Variants in NKAIN2 observed in about 807,000 individuals in gnomAD.
NKAIN2 encodes the protein sodium/potassium-transporting ATPase subunit beta-1-interacting protein 2.
A neutral mutation model predicts 32.6 loss-of-function variants in NKAIN2; 14 were observed. The ratio of observed to expected loss-of-function variants is 0.43; its 90% CI spans 0.28 to 0.67. NKAIN2 has a LOEUF of 0.67. Ranked by LOEUF, NKAIN2 falls within the 30% of genes least tolerant of loss-of-function variation. The pLI is 0.17. For missense variants in NKAIN2, 198 were observed against 258.3 expected (o/e 0.77, Z 1.60); for synonymous variants, 80 against 87.2 (o/e 0.92, Z 0.46).
chr6:124,019,729 C>T (rs1780778703), intron 1 of NKAIN2, among the ~76,000 whole-genome samples: 1 of 151,906 alleles, frequency 6.6e-6, no homozygotes, highest in African/African-American at 2.4e-5. Context: ...ATTATGGAAA[C>T]TTATTTGTTT....
At chr6:124,664,831 A>T (rs11965280) in intron 4 of NKAIN2, among the ~76,000 whole-genome samples, 3 of 131,850 alleles carry the variant, frequency 2.3e-5, no homozygotes, top group Admixed American at 7.8e-5. Flanking sequence ...AAAAAAAAAA[A>T]TTTCAAGTTA....
intron 4 of NKAIN2, among the ~76,000 whole-genome samples, chr6:124,697,034 G>C (rs1245815826): frequency 6.6e-6 from 1 of 152,008 alleles, no homozygotes; most frequent in Non-Finnish European, 1.5e-5. Context: ...CATAGCTTTT[G>C]TTACCTCCAT....
At position 124,484,286 on chromosome 6, in the gene NKAIN2, A is replaced by G. The variant is rs542428879; in HGVS notation, c.273+128939A>G. Among the ~76,000 whole-genome samples the G allele has an allele frequency of 2.0e-5, 3 of 152,314 alleles. No homozygotes were observed. The East Asian group carries it at 5.8e-4, about 29-fold the overall frequency. ...TAGAATCCTCAGGACCATTGGTTCT[A>G]TGAACTTGGGGTTCAACAACCTTGA... is the stretch of plus-strand genomic sequence containing the variant. On this transcript the variant is annotated intron_variant, in intron 3 of 6. Coordinates refer to ENST00000368417, the MANE Select transcript of NKAIN2 (RefSeq NM_001040214.3).
intron 1 of NKAIN2, among the ~76,000 whole-genome samples, chr6:124,058,547 G>C (rs182718668): frequency 1.3e-5 from 2 of 152,090 alleles, no homozygotes; most frequent in East Asian, 1.9e-4. Context: ...TCATAGGCTT[G>C]TTGTAAGGAT....
chr6:123,901,981 G>A (rs1774611889), intron 1 of NKAIN2, among the ~76,000 whole-genome samples: 2 of 152,020 alleles, frequency 1.3e-5, no homozygotes, highest in African/African-American at 4.8e-5. Context: ...ATAAAGTTTT[G>A]TTTTAATGGG....
Position 124,658,358 on chromosome 6 carries a change from C to T in NKAIN2, c.446C>T (p.Ala149Val). 1 of 1,614,126 alleles carries T rather than the reference C, an allele frequency of 6.2e-7. No homozygotes were observed. Among genetic ancestry groups the T allele is most frequent in the Non-Finnish European group, 8.5e-7 (1 of 1,180,006 alleles). ...CLLEYQYIEV[A>V]HSSLQIVLAL... is the part of the protein sequence containing the mutation. ...CTGGAGTACCAGTACATAGAAGTGG[C>T]TCATAGTTCCCTCCAGATTGTCCTC... The change falls in exon 4 of 7, where the codon GCT (alanine) becomes GTT (valine). Residue 149 changes from alanine (A) to valine (V), a missense_variant. Transcript: ENST00000368417.
At chr6:124,722,669 C>G (rs1196331546) in intron 4 of NKAIN2, among the ~76,000 whole-genome samples, 1 of 152,152 alleles carries the variant, frequency 6.6e-6, no homozygotes, top group East Asian at 1.9e-4. Flanking sequence ...GCCTGCTGCT[C>G]CCCTCCTCCT....
intron 3 of NKAIN2, among the ~76,000 whole-genome samples, chr6:124,420,340 A>G (rs1774690691): frequency 6.6e-6 from 1 of 152,142 alleles, no homozygotes; most frequent in African/African-American, 2.4e-5. Flanking sequence ...CAGATAAGGT[A>G]ACACATTTAC....
intron 1 of NKAIN2, among the ~76,000 whole-genome samples, chr6:124,074,209 C>CA (rs1486634921): frequency 2.6e-4 from 40 of 152,256 alleles, no homozygotes; most frequent in Admixed American, 2.2e-3. Flanking sequence ...AATAGTGACT[C>CA]AGCGTTCAGG....
intron 3 of NKAIN2, among the ~76,000 whole-genome samples, chr6:124,409,840 G>T (rs1459377954): frequency 6.6e-6 from 1 of 152,088 alleles, no homozygotes; most frequent in Non-Finnish European, 1.5e-5. Context: ...TTTTTGGTTG[G>T]TAATCTATTA....
intron 3 of NKAIN2, among the ~76,000 whole-genome samples, chr6:124,379,184 AG>A (rs1800139829): frequency 2.9e-3 from 10 of 3,396 alleles, no homozygotes; most frequent in Admixed American, 4.0e-3. Context: ...AGGGAAGAGG[AG>A]GGGAGGGAGG....
chr6:123,987,581 C>T (rs1465975175), intron 1 of NKAIN2, among the ~76,000 whole-genome samples: 1 of 152,086 alleles, frequency 6.6e-6, no homozygotes, highest in Non-Finnish European at 1.5e-5. Context: ...AACTCAAGGG[C>T]CTCTTCTGAG....
rs146253490 is a variant in NKAIN2 at position 124,642,083 on chromosome 6, G to T, written c.274-16103G>T. 3.9e-4 allele frequency among the ~76,000 whole-genome samples: 60 copies of T among 152,190 alleles called. No homozygotes were observed. The East Asian group carries it at 0.01, about 27-fold the overall frequency. On this transcript the variant is annotated intron_variant, in intron 3 of 6. Coordinates refer to ENST00000368417, the MANE Select transcript of NKAIN2 (RefSeq NM_001040214.3). ...ACCCATAGTTGAAGACTCTAACAAA[G>T]TAGGAACAGGAGTATATATCTGATC...
At chr6:124,724,663 G>A (rs1776187671) in intron 4 of NKAIN2, among the ~76,000 whole-genome samples, 1 of 152,006 alleles carries the variant, frequency 6.6e-6, no homozygotes, top group African/African-American at 2.4e-5. Context: ...TCAAAGATAG[G>A]GAATAGTTTA....
intron 1 of NKAIN2, among the ~76,000 whole-genome samples, chr6:123,826,064 TG>T (rs1477437357): frequency 9.2e-5 from 14 of 152,274 alleles, no homozygotes; most frequent in Middle Eastern, 6.8e-3. Flanking sequence ...ATGGATTTAG[TG>T]GGGTGATCCC....
At chr6:124,356,154 A>T (rs571744198) in intron 3 of NKAIN2, among the ~76,000 whole-genome samples, 2 of 152,184 alleles carry the variant, frequency 1.3e-5, no homozygotes, top group Non-Finnish European at 2.9e-5. Flanking sequence ...GGCCCCTGCA[A>T]ACATGTTGAT....
intron 1 of NKAIN2, among the ~76,000 whole-genome samples, chr6:123,990,856 G>T (rs1447647871): frequency 6.6e-6 from 1 of 152,104 alleles, no homozygotes; most frequent in African/African-American, 2.4e-5. Flanking sequence ...TGTCACCAAA[G>T]GTTGGGTCAT....
intron 4 of NKAIN2, among the ~76,000 whole-genome samples, chr6:124,691,492 C>G (rs199868994): frequency 6.6e-6 from 1 of 152,110 alleles, no homozygotes; most frequent in Non-Finnish European, 1.5e-5. Context: ...GTTCCTCTGC[C>G]GAGAATTCAG....
At chr6:124,700,689 T>C (rs950857179) in intron 4 of NKAIN2, among the ~76,000 whole-genome samples, 2 of 151,988 alleles carry the variant, frequency 1.3e-5, no homozygotes, top group Non-Finnish European at 1.5e-5. Flanking sequence ...TTATAAGCAT[T>C]TAGAGCAAGA....
Sources: gnomAD v4.1 joint callset for allele counts (sites outside exome capture counted in the v4.1 genomes callset) on GRCh38, gnomAD v4.1.1 for gene constraint, MANE v1.5 for transcripts, NCBI Gene and HGNC (gene_info 2026-07-23, HGNC 2026-07-21) for gene names.